The following DCBLD2 variants were observed in gnomAD, a reference collection of about 807,000 sequenced individuals.
The protein encoded by DCBLD2 is discoidin, CUB and LCCL domain-containing protein 2.
A neutral mutation model predicts 86.8 loss-of-function variants in DCBLD2; 54 were observed. That is an observed-to-expected ratio of 0.62 (90% confidence interval 0.50 to 0.78). DCBLD2 has a LOEUF of 0.78. Among genes scored for constraint, DCBLD2 ranks in the 30% least tolerant of loss-of-function variants. The pLI is 0.00. For missense variants in DCBLD2, 908 were observed against 954.2 expected (o/e 0.95, Z 0.64); for synonymous variants, 354 against 341.3 (o/e 1.04, Z -0.41).
At chr3:98,870,756 A>AG (rs1491447542) in intron 2 of DCBLD2, among the ~76,000 whole-genome samples, 3 of 140,258 alleles carry the variant, frequency 2.1e-5, no homozygotes, top group Non-Finnish European at 4.6e-5. Context: ...AAAGAAAGAA[A>AG]GAAAGAAAGA....
chr3:98,844,625 A>C (rs1468375005), intron 3 of DCBLD2, among the ~76,000 whole-genome samples: 2 of 152,104 alleles, frequency 1.3e-5, no homozygotes, highest in Non-Finnish European at 2.9e-5. Context: ...GGCCTCCCAA[A>C]GTGCTGGGAT....
At chr3:98,823,064 G>A (rs1227391469) in intron 4 of DCBLD2, among the ~76,000 whole-genome samples, 1 of 152,016 alleles carries the variant, frequency 6.6e-6, no homozygotes, top group African/African-American at 2.4e-5. Flanking sequence ...GTAGAGATGG[G>A]GTTTCACCAT....
At chr3:98,854,512 T>C (rs1049011995) in intron 2 of DCBLD2, among the ~76,000 whole-genome samples, 3 of 152,216 alleles carry the variant, frequency 2.0e-5, no homozygotes, top group Non-Finnish European at 2.9e-5. Flanking sequence ...TAGGAAGGTA[T>C]AGCTCTAATT....
chr3:98,801,568 T>A, intron 14 of DCBLD2, 32 bp downstream of exon 14: 1 of 1,587,720 alleles, frequency 6.3e-7, no homozygotes, highest in Non-Finnish European at 8.6e-7. Context: ...ATCCCTCTGA[T>A]AGAAATGAGA....
intron 12 of DCBLD2, among the ~76,000 whole-genome samples, chr3:98,808,689 G>A (rs534883256): frequency 9.9e-5 from 15 of 152,210 alleles, no homozygotes; most frequent in African/African-American, 3.6e-4. Flanking sequence ...GCTAATCAAA[G>A]TGGCAAATAT....
chr3:98,865,254 A>C (rs1943121940), intron 2 of DCBLD2, among the ~76,000 whole-genome samples: 1 of 152,196 alleles, frequency 6.6e-6, no homozygotes, highest in Admixed American at 6.5e-5. Flanking sequence ...AATGTGGTAT[A>C]TGAACACAAC....
intron 12 of DCBLD2, among the ~76,000 whole-genome samples, chr3:98,809,436 G>T (rs1427396492): frequency 1.3e-5 from 2 of 152,116 alleles, no homozygotes; most frequent in Admixed American, 1.3e-4. Flanking sequence ...CTGAGAGGTA[G>T]ATCGAGGGGA....
chr3:98,842,729 C>T (rs1045735611), intron 3 of DCBLD2, among the ~76,000 whole-genome samples: 1 of 152,174 alleles, frequency 6.6e-6, no homozygotes, highest in Non-Finnish European at 1.5e-5. Context: ...TAGTCAAACA[C>T]GCTATAAGCT....
intron 2 of DCBLD2, among the ~76,000 whole-genome samples, chr3:98,868,795 G>A (rs1275313297): frequency 1.3e-5 from 2 of 152,092 alleles, no homozygotes; most frequent in African/African-American, 4.8e-5. Context: ...TTCTTTTTAA[G>A]GGTGAGTAGT....
chr3:98,836,200 C>A (rs1942444919), intron 3 of DCBLD2, among the ~76,000 whole-genome samples: 1 of 143,490 alleles, frequency 7.0e-6, no homozygotes, highest in Non-Finnish European at 1.5e-5. Context: ...TGCTTCCCTG[C>A]CGGCAGGTGC....
At chr3:98,817,121 T>G (rs1942036634) in intron 9 of DCBLD2, among the ~76,000 whole-genome samples, 2 of 152,202 alleles carry the variant, frequency 1.3e-5, no homozygotes, top group Admixed American at 1.3e-4. Context: ...CAAGGACTTC[T>G]CCATTTAAAG....
At chr3:98,893,286 G>T (rs537742103) in intron 1 of DCBLD2, among the ~76,000 whole-genome samples, 16 of 151,468 alleles carry the variant, frequency 1.1e-4, no homozygotes, top group African/African-American at 3.9e-4. Flanking sequence ...AAAATATTTA[G>T]AGTAGTAACT....
intron 4 of DCBLD2, among the ~76,000 whole-genome samples, chr3:98,823,545 A>C (rs917225481): frequency 6.6e-6 from 1 of 152,226 alleles, no homozygotes; most frequent in Non-Finnish European, 1.5e-5. Context: ...AAAGTCAAAC[A>C]GACAAATATT....
intron 4 of DCBLD2, 78 bp from the exon 5 acceptor site, chr3:98,822,819 A>G (rs1025817711): frequency 1.6e-6 from 2 of 1,278,892 alleles, no homozygotes; most frequent in African/African-American, 3.0e-5. Flanking sequence ...AAAATATCAC[A>G]GACACATTTT....
chr3:98,891,131 A>G (rs1327338323), intron 1 of DCBLD2, among the ~76,000 whole-genome samples: 1 of 151,108 alleles, frequency 6.6e-6, no homozygotes, highest in African/African-American at 2.4e-5. Flanking sequence ...GGAAGTAATG[A>G]GTGCTTCAGT....
In DCBLD2 at chr3:98,817,788, G is replaced by A; in HGVS notation, c.1193C>T (p.Pro398Leu). 1.2e-6 allele frequency: 2 copies of A among 1,613,528 alleles called. No individual in the cohort carries two copies. Among genetic ancestry groups the A allele is most frequent in the South Asian group, 1.1e-5 (1 of 91,058 alleles). ...TTTTACCTTATCTTGCTCCACACCA[G>A]GCTCTCTGTACACAGTCCATTTCTG... ...DGQKWTVYRE[P>L]GVEQDKIFQG... The change falls in exon 9 of 16, where the codon CCT becomes CTT. Residue 398 changes from proline to leucine, a missense_variant. This residue lies in a region of DCBLD2 where 606 missense variants were observed against 678.5 expected (regional missense o/e 0.89). Transcript: ENST00000326840.
rs998881915 is a variant in DCBLD2, at chr3:98,805,720, G to A, written c.1670+2361C>T. ...TCAGATCGTGTCCTTAACGCCAGGT[G>A]TGTGGTCGAATTGCCTCAGGAGTCT... On this transcript the variant is annotated intron_variant, in intron 13 of 15. Transcript: ENST00000326840. 7.2e-5 allele frequency among the ~76,000 whole-genome samples: 11 copies of A among 152,304 alleles called. No homozygotes were observed. The South Asian group carries it at 1.9e-3, about 26-fold the overall frequency.
At position 98,878,723 on chromosome 3, in the gene DCBLD2, G is replaced by A. The variant is rs188489383; in HGVS notation, c.433+2817C>T. 8.2e-3 allele frequency among the ~76,000 whole-genome samples: 1,249 copies of A among 152,262 alleles called. 37 individuals are homozygous for A. Among genetic ancestry groups the A allele is most frequent in the Admixed American group, 0.061 (939 of 15,298 alleles). ...TATACGGTAGGTGTGATGGGGGAAG[G>A]GTGGGTACAAACTGAAGCCCAACAG... On this transcript the variant is annotated intron_variant, in intron 2 of 15. Coordinates refer to ENST00000326840, the MANE Select transcript of DCBLD2 (RefSeq NM_080927.4).
chr3:98,877,200 A>C (rs920335861), intron 2 of DCBLD2, among the ~76,000 whole-genome samples: 5 of 152,194 alleles, frequency 3.3e-5, no homozygotes, highest in African/African-American at 7.2e-5. Flanking sequence ...AAAAACCTAT[A>C]ATGGAAGATG....
Sources: gnomAD v4.1 joint callset for allele counts (sites outside exome capture counted in the v4.1 genomes callset) on GRCh38, gnomAD v4.1.1 for gene constraint, gnomAD v4.1.1 regional missense constraint, MANE v1.5 for transcripts, NCBI Gene and HGNC (gene_info 2026-07-23, HGNC 2026-07-21) for gene names.